PKHD1L1: variants seen among roughly 807,000 people sequenced by gnomAD.
The protein encoded by PKHD1L1 is fibrocystin-L.
A neutral mutation model predicts 462.9 loss-of-function variants in PKHD1L1; 434 were observed. That is an observed-to-expected ratio of 0.94 (90% confidence interval 0.87 to 1.02). PKHD1L1 has a LOEUF of 1.02. Ranked by LOEUF, PKHD1L1 falls within the 50% of genes least tolerant of loss-of-function variation. The pLI is 0.00. For synonymous variants in PKHD1L1, 1,781 were observed against 1,750.0 expected, an observed-to-expected ratio of 1.02 and a Z score of -0.44; for missense variants, 5,202 against 5,096.1, an observed-to-expected ratio of 1.02 and a Z score of -0.63.
chr8:109,432,656 G>A (rs74849198), intron 27 of PKHD1L1, among the ~76,000 whole-genome samples: 1 of 152,146 alleles, frequency 6.6e-6, no homozygotes, highest in East Asian at 1.9e-4. Flanking sequence ...TTTGAGATGT[G>A]TATCACCATA....
At chr8:109,467,340 G>A (rs1043152569) in intron 50 of PKHD1L1, among the ~76,000 whole-genome samples, 2 of 152,060 alleles carry the variant, frequency 1.3e-5, no homozygotes, top group African/African-American at 2.4e-5. Flanking sequence ...TGAATCTCAC[G>A]TTTCTTAAAT....
chr8:109,451,142 G>A lies in PKHD1L1; in HGVS notation c.6343G>A (p.Gly2115Arg). 1 of 1,604,754 alleles carries A rather than the reference G, an allele frequency of 6.2e-7. No homozygotes were observed. The highest frequency in any genetic ancestry group is 1.1e-5 in the South Asian group (1 of 89,858). The change falls in exon 41 of 78, where the codon GGA becomes AGA. Residue 2115 changes from glycine to arginine, a missense_variant. Physicochemically the swap from Gly to Arg is moderately radical, Grantham distance 125 (BLOSUM62 -2). Coordinates refer to ENST00000378402, the MANE Select transcript of PKHD1L1 (RefSeq NM_177531.6). ...GGTRLTVVGSGFSENMEDVHI... is the reference protein window; with the variant it reads ...GGTRLTVVGSRFSENMEDVHI... The stretch of plus-strand genomic sequence containing the variant: ...CACCAGACTGACAGTCGTGGGATCA[G>A]GATTCAGGTACTGTCTCCACACAAA...
intron 73 of PKHD1L1, among the ~76,000 whole-genome samples, chr8:109,520,282 G>A (rs1256689335): frequency 6.6e-6 from 1 of 151,948 alleles, no homozygotes; most frequent in Non-Finnish European, 1.5e-5. Flanking sequence ...GTTATTTTAG[G>A]AGTTGTAAAG....
intron 1 of PKHD1L1, among the ~76,000 whole-genome samples, chr8:109,363,232 G>A (rs968110178): frequency 6.6e-6 from 1 of 152,176 alleles, no homozygotes; most frequent in Non-Finnish European, 1.5e-5. Flanking sequence ...TAGGCGAGGA[G>A]CAGCACTGTC....
chr8:109,458,382 G>A (rs1001563829), intron 46 of PKHD1L1, among the ~76,000 whole-genome samples: 1 of 149,466 alleles, frequency 6.7e-6, no homozygotes, highest in Admixed American at 6.8e-5. Flanking sequence ...TTCCCCCCAC[G>A]AATTCATTCT....
chr8:109,420,768 G>A (rs2130645528), intron 23 of PKHD1L1, 78 bp downstream of exon 23: 1 of 1,121,232 alleles, frequency 8.9e-7, no homozygotes, highest in Non-Finnish European at 1.2e-6. Context: ...CATACAGATG[G>A]AATATTTTAA....
intron 2 of PKHD1L1, among the ~76,000 whole-genome samples, chr8:109,367,615 G>A (rs1811295905): frequency 6.6e-6 from 1 of 152,254 alleles, no homozygotes; most frequent in African/African-American, 2.4e-5. Flanking sequence ...GGGCACGTTG[G>A]TCCGTGCCTG....
intron 2 of PKHD1L1, among the ~76,000 whole-genome samples, chr8:109,376,287 G>C (rs962687482): frequency 6.6e-6 from 1 of 151,978 alleles, no homozygotes; most frequent in Non-Finnish European, 1.5e-5. Context: ...AGTGGTGTAG[G>C]ACCCTCCGAG....
rs375821067 is a variant in PKHD1L1, at chr8:109,427,076, G to A, written c.2920G>A (p.Val974Ile). ...TCTGGAGGGAATGGGAAGAATCTCA[G>A]TTACACGAGAGGGAACCTGTGCTGG... Reference protein sequence around the residue: ...QSLEGMGRISVTREGTCAGYA... With the variant: ...QSLEGMGRISITREGTCAGYA... The change falls in exon 25 of 78, where the codon GTT becomes ATT. Residue 974 changes from valine to isoleucine, a missense_variant. By Grantham distance (29) the Val-to-Ile change is conservative. Coordinates refer to ENST00000378402, the MANE Select transcript of PKHD1L1 (RefSeq NM_177531.6). The A allele has an allele frequency of 3.1e-6, 5 of 1,613,994 alleles. 1 individual carries two copies. The highest frequency in any genetic ancestry group is 8.5e-7 in the Non-Finnish European group (1 of 1,179,882).
Position 109,459,627 on chromosome 8 carries a change from T to A in PKHD1L1, c.7037T>A (p.Ile2346Asn). 2 of 1,582,340 alleles carry A rather than the reference T, an allele frequency of 1.3e-6. No individual in the cohort carries two copies. The highest frequency in any genetic ancestry group is 4.6e-5 in the East Asian group (2 of 43,774). ...CAAGGAGAGAATGAAAAAATGACCA[T>A]TGCATCTGTGTCTGCTGATGGCATA... ...HSQGENEKMT[I>N]ASVSADGINI... The change falls in exon 47 of 78, where the codon ATT becomes AAT. Residue 2346 changes from isoleucine to asparagine, a missense_variant. Physicochemically the swap from Ile to Asn is moderately radical, Grantham distance 149. Transcript: ENST00000378402.
At chr8:109,450,239 C>T (rs947791286) in intron 40 of PKHD1L1, among the ~76,000 whole-genome samples, 1 of 152,050 alleles carries the variant, frequency 6.6e-6, no homozygotes, top group African/African-American at 2.4e-5. Context: ...GACAACAAAA[C>T]TTAGTTATTA....
Position 109,390,513 on chromosome 8 carries a change from AAT to A in PKHD1L1, c.740+21_740+22del. 1 of 1,344,262 alleles carries A rather than the reference AAT, an allele frequency of 7.4e-7. No individual in the cohort carries two copies. The highest frequency in any genetic ancestry group is 1.5e-5 in the South Asian group (1 of 68,452). The allele number at this position is 1,344,262 out of a possible 1,614,324, so 83.3% of individuals were successfully genotyped here. ...ATGGAAGGTAGGCTATTTTGTAAAT[AAT>A]AACTTTTATAATTGATTCAACAGGG... On this transcript the variant is annotated intron_variant, in intron 9 of 77. Transcript: ENST00000378402.
chr8:109,512,410 A>G (rs963818296), intron 71 of PKHD1L1, among the ~76,000 whole-genome samples: 1 of 151,686 alleles, frequency 6.6e-6, no homozygotes, highest in Admixed American at 6.6e-5. Context: ...AGCTTTCTAC[A>G]TATGGCTAGC....
At chr8:109,432,996 T>C (rs1476729774) in intron 27 of PKHD1L1, 110 bp from the exon 28 acceptor site, 2 of 800,474 alleles carry the variant, frequency 2.5e-6, no homozygotes, top group Admixed American at 4.8e-5. Context: ...AGGCTTATTG[T>C]TTATATCTTT....
At chr8:109,392,296 C>G (rs1017833509) in intron 9 of PKHD1L1, among the ~76,000 whole-genome samples, 2 of 152,064 alleles carry the variant, frequency 1.3e-5, no homozygotes, top group Non-Finnish European at 2.9e-5. Context: ...TCATATGTCT[C>G]TCAGAGAAAT....
At chr8:109,477,502 T>C in intron 53 of PKHD1L1, 106 bp downstream of exon 53, 1 of 1,050,890 alleles carries the variant, frequency 9.5e-7, no homozygotes, top group Non-Finnish European at 1.3e-6. Context: ...GCACAATGTC[T>C]TGTAGGTTAC....
chr8:109,436,884 A>G (rs145258064), intron 30 of PKHD1L1, among the ~76,000 whole-genome samples: 1 of 152,284 alleles, frequency 6.6e-6, no homozygotes, highest in East Asian at 1.9e-4. Flanking sequence ...GATTTCAGGA[A>G]AGTAAATCTA....
intron 2 of PKHD1L1, among the ~76,000 whole-genome samples, chr8:109,365,543 T>C (rs1388756792): frequency 2.0e-5 from 3 of 152,220 alleles, no homozygotes; most frequent in Admixed American, 1.3e-4. Context: ...ACAATATAAT[T>C]GTTAAAGATT....
intron 71 of PKHD1L1, among the ~76,000 whole-genome samples, chr8:109,511,655 A>G (rs1229761609): frequency 2.6e-5 from 4 of 152,000 alleles, no homozygotes; most frequent in African/African-American, 9.7e-5. Context: ...CAATAAACAT[A>G]CGTGTGCATG....
Sources: gnomAD v4.1 joint callset for allele counts (sites outside exome capture counted in the v4.1 genomes callset) on GRCh38, gnomAD v4.1.1 for gene constraint, MANE v1.5 for transcripts, NCBI Gene and HGNC (gene_info 2026-07-23, HGNC 2026-07-21) for gene names.